IQCM: variants seen among roughly 807,000 people sequenced by gnomAD.
IQCM encodes IQ motif containing M, also known as IQ domain-containing protein M.
In IQCM, 45 loss-of-function variants were observed where a neutral mutation model predicts 57.6. That is an observed-to-expected ratio of 0.78 (90% CI 0.62 to 1.00). The LOEUF is 1.00. IQCM is among the 50% of genes least tolerant of loss of function. IQCM has a pLI of 0.00. For missense variants in IQCM, 468 were observed against 511.6 expected (o/e 0.91, Z 0.82); for synonymous variants, 148 against 158.9 (o/e 0.93, Z 0.51).
At chr4:149,467,363 G>A (rs769293579) in intron 12 of IQCM, among the ~76,000 whole-genome samples, 20 of 152,108 alleles carry the variant, frequency 1.3e-4, no homozygotes, top group East Asian at 3.9e-4. Context: ...TTGTTTATTC[G>A]TAATAACAAC....
chr4:149,585,590 CTCTT>C (rs1015081233), intron 9 of IQCM, among the ~76,000 whole-genome samples: 1 of 151,584 alleles, frequency 6.6e-6, no homozygotes, highest in African/African-American at 2.4e-5. Flanking sequence ...ATTTCTCTCT[CTCTT>C]TGATTCTATG....
chr4:149,370,424 A>G (rs1263392481), intron 13 of IQCM, among the ~76,000 whole-genome samples: 1 of 152,176 alleles, frequency 6.6e-6, no homozygotes, highest in Non-Finnish European at 1.5e-5. Flanking sequence ...TAATTTCTCA[A>G]TAAACTTTAG....
intron 2 of IQCM, among the ~76,000 whole-genome samples, chr4:149,789,782 G>A (rs1772415775): frequency 6.6e-6 from 1 of 151,842 alleles, no homozygotes; most frequent in Non-Finnish European, 1.5e-5. Flanking sequence ...CACGCCTGTG[G>A]TCCCAGATAC....
intron 8 of IQCM, among the ~76,000 whole-genome samples, chr4:149,617,044 C>T (rs1180631688): frequency 6.6e-6 from 1 of 151,832 alleles, no homozygotes; most frequent in Non-Finnish European, 1.5e-5. Context: ...CAATCTCTAC[C>T]TCCTGGGTTC....
At chr4:149,587,598 A>G (rs527969132) in intron 9 of IQCM, among the ~76,000 whole-genome samples, 2 of 151,974 alleles carry the variant, frequency 1.3e-5, no homozygotes, top group East Asian at 3.9e-4. Flanking sequence ...TAGCTAAAAC[A>G]TATGCAGTGT....
intron 9 of IQCM, among the ~76,000 whole-genome samples, chr4:149,568,239 C>T (rs142970318): frequency 1.1e-4 from 17 of 152,198 alleles, no homozygotes; most frequent in African/African-American, 3.9e-4. Context: ...CTCTGGAAGG[C>T]CTTTGCTGGG....
chr4:149,620,329 T>TC (rs1015313295), intron 8 of IQCM, among the ~76,000 whole-genome samples: 1 of 151,948 alleles, frequency 6.6e-6, no homozygotes, highest in Admixed American at 6.6e-5. Flanking sequence ...TGTTGTTTAA[T>TC]CCATCCAGTC....
intron 12 of IQCM, among the ~76,000 whole-genome samples, chr4:149,442,979 G>C (rs1736122306): frequency 6.6e-6 from 1 of 151,154 alleles, no homozygotes; most frequent in Non-Finnish European, 1.5e-5. Context: ...GAGAGAGAGA[G>C]AGAGAGAGAG....
chr4:149,702,989 G>A (rs963940724), intron 5 of IQCM, among the ~76,000 whole-genome samples: 1 of 151,900 alleles, frequency 6.6e-6, no homozygotes, highest in Non-Finnish European at 1.5e-5. Context: ...AAATGTGTGT[G>A]TGGGACAGCC....
At chr4:149,639,296 C>T (rs534883658) in intron 7 of IQCM, among the ~76,000 whole-genome samples, 7 of 151,830 alleles carry the variant, frequency 4.6e-5, no homozygotes, top group African/African-American at 1.2e-4. Flanking sequence ...CATGGTGGCA[C>T]GCAGCTGTGG....
intron 12 of IQCM, among the ~76,000 whole-genome samples, chr4:149,452,212 A>T (rs760516740): frequency 6.6e-6 from 1 of 151,660 alleles, no homozygotes; most frequent in South Asian, 2.1e-4. Flanking sequence ...ATAAATGGGG[A>T]GATATGTCAT....
chr4:149,811,322 G>A (rs1175676926), intron 2 of IQCM, among the ~76,000 whole-genome samples: 1 of 151,956 alleles, frequency 6.6e-6, no homozygotes, highest in Non-Finnish European at 1.5e-5. Flanking sequence ...CCTTGCTTTG[G>A]ATAATAATTA....
At chr4:149,781,210 G>A (rs1018018529) in intron 2 of IQCM, among the ~76,000 whole-genome samples, 1 of 152,150 alleles carries the variant, frequency 6.6e-6, no homozygotes, top group Non-Finnish European at 1.5e-5. Flanking sequence ...TACAGTAATT[G>A]TCCTTATCCA....
intron 3 of IQCM, among the ~76,000 whole-genome samples, chr4:149,740,878 G>A (rs1454430216): frequency 6.6e-6 from 1 of 152,088 alleles, no homozygotes; most frequent in Non-Finnish European, 1.5e-5. Context: ...GCCAAGAAGT[G>A]GAGAGAAGCT....
At chr4:149,568,255 C>T (rs116269506) in intron 9 of IQCM, among the ~76,000 whole-genome samples, 4 of 152,158 alleles carry the variant, frequency 2.6e-5, no homozygotes, top group East Asian at 1.9e-4. Context: ...CTGGGAGAGA[C>T]GTCTCATGCA....
intron 13 of IQCM, among the ~76,000 whole-genome samples, chr4:149,352,701 C>G (rs1048798911): frequency 4.6e-5 from 7 of 152,120 alleles, no homozygotes; most frequent in Admixed American, 2.0e-4. Flanking sequence ...TTAAGACAAA[C>G]AGTATTGACT....
intron 2 of IQCM, among the ~76,000 whole-genome samples, chr4:149,790,977 A>G (rs1013317838): frequency 1.7e-4 from 26 of 152,186 alleles, no homozygotes; most frequent in Non-Finnish European, 3.5e-4. Context: ...AAATAAAATA[A>G]AGAACTCTAA....
At chr4:149,611,075 G>T (rs1026815601) in intron 8 of IQCM, among the ~76,000 whole-genome samples, 1 of 152,006 alleles carries the variant, frequency 6.6e-6, no homozygotes, top group African/African-American at 2.4e-5. Context: ...TTTCTCAGAA[G>T]AAGACATACA....
intron 7 of IQCM, among the ~76,000 whole-genome samples, chr4:149,659,654 C>A (rs576022390): frequency 6.6e-6 from 1 of 152,078 alleles, no homozygotes; most frequent in Non-Finnish European, 1.5e-5. Context: ...TGGAACAGAA[C>A]AGAGCCCTCA....
Sources: allele counts gnomAD v4.1 joint callset (sites outside exome capture counted in the v4.1 genomes callset), GRCh38; gene constraint gnomAD v4.1.1; transcripts MANE v1.5; gene names NCBI Gene and HGNC (gene_info 2026-07-23, HGNC 2026-07-21).